The following SETD2 variants were observed in gnomAD, a reference collection of about 807,000 sequenced individuals.
SETD2 encodes histone-lysine N-methyltransferase SETD2.
In SETD2, 31 loss-of-function variants were observed where a neutral mutation model predicts 242.1. The observed-to-expected ratio is 0.13, with a 90% CI of 0.10 to 0.17. The LOEUF is 0.17. SETD2 is among the 10% of genes least tolerant of loss of function. SETD2 has a pLI of 1.00. For synonymous variants in SETD2, 1,006 were observed against 1,066.5 expected (o/e 0.94, Z 1.11); for missense variants, 2,481 against 3,046.3 (o/e 0.81, Z 4.37).
chr3:47,017,873 T>A lies in SETD2; in HGVS notation c.7432-134A>T. ...CCTTTTCCTCCCTCAGGTTAACTGG[T>A]TTGGACAGTGGAATACTAGTAAGCC... On this transcript the variant is annotated intron_variant, in intron 19 of 20. Coordinates refer to ENST00000409792, the MANE Select transcript of SETD2 (RefSeq NM_014159.7). The surrounding 1 kb of genome is among the most constrained non-coding windows in gnomAD (Gnocchi z 4.8). 2.9e-6 allele frequency: 2 copies of A among 697,102 alleles called. No homozygotes were observed. Among genetic ancestry groups the A allele is most frequent in the Non-Finnish European group, 5.2e-6 (2 of 384,682 alleles). 43.2% of individuals were successfully genotyped at this position (697,102 alleles called of 1,614,324 possible). A position where few individuals can be genotyped will look rare whatever the true frequency, so the allele number is the denominator to read the frequency against.
In SETD2 at chr3:47,164,012, CGCGGCGGCGGCGGCGGCGGCGGCGGCG is replaced by C. The variant is rs76496241; in HGVS notation, c.-115_-89del. On this transcript the variant is annotated 5_prime_UTR_variant, in exon 1 of 21. Coordinates refer to ENST00000409792, the MANE Select transcript of SETD2 (RefSeq NM_014159.7). This position sits in a 1 kb window ranked among gnomAD's most constrained non-coding sequence, Gnocchi z 5.4. ...GAGGGGAGGAGGCCGCAGGTCCGACCGCGGCGGCGGCGGCGGCGGCGGCGGCGGCGGCAGGGGCGGCCCGCGTCGCTA... is the reference window on the plus strand; with the variant it reads ...GAGGGGAGGAGGCCGCAGGTCCGACCGCGGCAGGGGCGGCCCGCGTCGCTA... 3.4e-6 allele frequency: 4 copies of C among 1,192,060 alleles called. No homozygotes were observed. The East Asian group carries it at 1.4e-4, about 42-fold the overall frequency. The allele number at this position is 1,192,060 out of a possible 1,614,324, so 73.8% of individuals were successfully genotyped here. A position where few individuals can be genotyped will look rare whatever the true frequency, so the allele number is the denominator to read the frequency against.
intron 7 of SETD2, among the ~76,000 whole-genome samples, chr3:47,102,285 T>C (rs2042244190): frequency 6.6e-6 from 1 of 152,220 alleles, no homozygotes; most frequent in African/African-American, 2.4e-5. Flanking sequence ...CCACCAGCTC[T>C]GGCAGAACTA....
At chr3:47,153,680 G>C (rs748423908) in intron 1 of SETD2, among the ~76,000 whole-genome samples, 20 of 151,720 alleles carry the variant, frequency 1.3e-4, no homozygotes, top group Non-Finnish European at 2.2e-4. Flanking sequence ...TTGAGCCCAA[G>C]AGTTCGAGGC....
At chr3:47,034,541 T>C (rs1053037972) in intron 18 of SETD2, among the ~76,000 whole-genome samples, 8 of 152,196 alleles carry the variant, frequency 5.3e-5, no homozygotes, top group African/African-American at 1.9e-4. Context: ...CATGTACCTA[T>C]AGTCCTAGCC....
rs764844518 is a variant in SETD2 at position 47,120,294 on chromosome 3, A to T, written c.4342T>A (p.Ser1448Thr). 1.2e-5 allele frequency: 19 copies of T among 1,613,590 alleles called. No individual in the cohort carries two copies. The highest frequency in any genetic ancestry group is 1.7e-5 in the Admixed American group (1 of 59,868). Residue 1448 changes from serine to threonine, a missense_variant, in exon 3 of 21, where the codon TCC (serine) becomes ACC (threonine). Around this residue, in one of 17 missense-constraint regions of SETD2, gnomAD observed 1,300 missense variants for 1,259.2 expected, o/e 1.03. Coordinates refer to ENST00000409792, the MANE Select transcript of SETD2 (RefSeq NM_014159.7). Reference protein sequence around the residue: ...VPPGSALVGPSCVMDDFRDPQ... With the variant: ...VPPGSALVGPTCVMDDFRDPQ... ...TCCCTGAAGTCATCCATGACACAGGAGGGCCCAACCAGTGCTGAACCTGGG... is the reference window on the plus strand; with the variant it reads ...TCCCTGAAGTCATCCATGACACAGGTGGGCCCAACCAGTGCTGAACCTGGG...
intron 8 of SETD2, among the ~76,000 whole-genome samples, chr3:47,098,758 C>T (rs920292430): frequency 2.6e-5 from 4 of 151,860 alleles, no homozygotes; most frequent in Admixed American, 1.3e-4. Context: ...ATTGCACCAC[C>T]GCACTCCAGC....
chr3:47,052,357 G>A (rs1188428519), intron 15 of SETD2, among the ~76,000 whole-genome samples: 1 of 152,098 alleles, frequency 6.6e-6, no homozygotes, highest in Non-Finnish European at 1.5e-5. Flanking sequence ...ACTTTTTGTA[G>A]AAACAGGGTC....
At chr3:47,025,395 C>T (rs1343679047) in intron 18 of SETD2, among the ~76,000 whole-genome samples, 2 of 152,208 alleles carry the variant, frequency 1.3e-5, no homozygotes, top group African/African-American at 2.4e-5. Flanking sequence ...ACTGATCTCA[C>T]CTTTATTAAT....
At chr3:47,113,495 TAAAG>T (rs1425837361) in intron 5 of SETD2, among the ~76,000 whole-genome samples, 1 of 152,112 alleles carries the variant, frequency 6.6e-6, no homozygotes, top group Non-Finnish European at 1.5e-5. Flanking sequence ...CTCAGTGTAA[TAAAG>T]AAATTGTTTC....
At chr3:47,149,161 T>G (rs1358132479) in intron 1 of SETD2, among the ~76,000 whole-genome samples, 3 of 152,226 alleles carry the variant, frequency 2.0e-5, no homozygotes, top group Non-Finnish European at 4.4e-5. Flanking sequence ...CAGTTGTTTA[T>G]GAATGGCAGC....
intron 13 of SETD2, 71 bp from the exon 14 acceptor site, chr3:47,062,417 A>C: frequency 7.4e-7 from 1 of 1,354,012 alleles, no homozygotes. Context: ...CTCCATCATG[A>C]CAATGTATCA....
chr3:47,056,094 TTTTATTTATTTATTTATTTATTTA>T (rs145910690), intron 15 of SETD2, among the ~76,000 whole-genome samples: 9 of 116,422 alleles, frequency 7.7e-5, no homozygotes, highest in African/African-American at 1.3e-4. Context: ...AAAACATGAT[TTTTATTTATTTATTTATTTATTTA>T]TTTATTTATT....
At position 47,025,413 on chromosome 3, in the gene SETD2, T is replaced by C. The variant is rs567693313; in HGVS notation, c.7351-5573A>G. Among the ~76,000 whole-genome samples the C allele has an allele frequency of 3.5e-4, 53 of 152,302 alleles. No individual in the cohort carries two copies. The South Asian group carries it at 4.6e-3, about 13-fold the overall frequency. The stretch of plus-strand genomic sequence containing the variant: ...GATCTCACCTTTATTAATGAGCCCA[T>C]TTCACTAGAAGGACACACATTTGAC... On this transcript the variant is annotated intron_variant, in intron 18 of 20. Coordinates refer to ENST00000409792, the MANE Select transcript of SETD2 (RefSeq NM_014159.7).
intron 14 of SETD2, among the ~76,000 whole-genome samples, chr3:47,057,984 G>T (rs545503125): frequency 2.6e-5 from 4 of 151,992 alleles, no homozygotes; most frequent in Admixed American, 2.6e-4. Context: ...AAAAGAAAAA[G>T]AAATCCTCAT....
At chr3:47,071,690 AC>A (rs1377846288) in intron 12 of SETD2, among the ~76,000 whole-genome samples, 1 of 152,078 alleles carries the variant, frequency 6.6e-6, no homozygotes, top group Non-Finnish European at 1.5e-5. Flanking sequence ...AAAAAAAAAA[AC>A]AAATAAAAGT....
intron 12 of SETD2, among the ~76,000 whole-genome samples, chr3:47,082,348 T>C (rs774844829): frequency 9.9e-5 from 15 of 152,220 alleles, no homozygotes; most frequent in Non-Finnish European, 2.1e-4. Context: ...GCCTTTTCTG[T>C]GTCCATTTGT....
chr3:47,049,309 AT>A (rs2107555849), intron 15 of SETD2, among the ~76,000 whole-genome samples: 1 of 4,006 alleles, frequency 2.5e-4, no homozygotes, highest in South Asian at 4.0e-3. Flanking sequence ...TTCTAAATAT[AT>A]ATATATATAT....
At position 47,121,780 on chromosome 3, in the gene SETD2, A is replaced by C. The variant is rs1250914215; in HGVS notation, c.2856T>G (p.Asn952Lys). The C allele has an allele frequency of 6.2e-7, 1 of 1,614,106 alleles. No homozygotes were observed. The highest frequency in any genetic ancestry group is 1.1e-5 in the South Asian group (1 of 91,076). ...GFASRENRRNNGLSGKCLQEA... is the reference protein window; with the variant it reads ...GFASRENRRNKGLSGKCLQEA... ...CTTGCAAACATTTCCCAGATAACCC[A>C]TTATTACGCCTGTTCTCCCTGGAAG... The change falls in exon 3 of 21, where the codon AAT (asparagine) becomes AAG (lysine). Residue 952 changes from asparagine to lysine, a missense_variant. By Grantham distance (94) the Asn-to-Lys change is moderately conservative (BLOSUM62 0). Coordinates refer to ENST00000409792, the MANE Select transcript of SETD2 (RefSeq NM_014159.7).
chr3:47,076,763 A>G (rs1364349461), intron 12 of SETD2, among the ~76,000 whole-genome samples: 2 of 152,250 alleles, frequency 1.3e-5, no homozygotes, highest in Admixed American at 1.3e-4. Context: ...GTTCAAGGAC[A>G]TGAAGAGGTG....
Sources: gnomAD v4.1 joint callset for allele counts (sites outside exome capture counted in the v4.1 genomes callset) on GRCh38, gnomAD v4.1.1 for gene constraint, gnomAD v4.1.1 regional missense constraint, Gnocchi (gnomAD v3.1) non-coding constraint, MANE v1.5 for transcripts, NCBI Gene and HGNC (gene_info 2026-07-23, HGNC 2026-07-21) for gene names.